Variants in MCTP1 observed in about 807,000 individuals in gnomAD.
MCTP1 encodes the protein multiple C2 and transmembrane domain-containing protein 1.
MCTP1 carries 69 observed loss-of-function variants against 120.6 expected under a neutral mutation model. That is an observed-to-expected ratio of 0.57 (90% CI 0.47 to 0.70). The LOEUF (loss-of-function observed/expected upper bound fraction) is 0.70, where lower values mean the gene tolerates loss of function less well. Ranked by LOEUF, MCTP1 falls within the 30% of genes least tolerant of loss-of-function variation. The pLI, the probability that MCTP1 is intolerant of heterozygous loss-of-function variation, is 0.00. For synonymous variants in MCTP1, 529 were observed against 493.1 expected (o/e 1.07, Z -0.96); for missense variants, 1,203 against 1,248.8 (o/e 0.96, Z 0.55).
chr5:95,013,011 G>T (rs1836336149), intron 2 of MCTP1, among the ~76,000 whole-genome samples: 1 of 152,136 alleles, frequency 6.6e-6, no homozygotes, highest in Admixed American at 6.6e-5. Context: ...TGAATGCAAA[G>T]GAAAAGATCT....
At chr5:94,967,067 T>G (rs1825790185) in intron 2 of MCTP1, among the ~76,000 whole-genome samples, 1 of 152,222 alleles carries the variant, frequency 6.6e-6, no homozygotes, top group African/African-American at 2.4e-5. Context: ...GGCTATTATG[T>G]AAAAATACTG....
In MCTP1 at chr5:95,166,565, A is replaced by G. The variant is rs1206937875; in HGVS notation, c.720+117291T>C. ...AAACTTATTTACCACCCTAATTTTA[A>G]TCATTTTTTTTTTTTTTTTTTGAGA... On this transcript the variant is annotated intron_variant, in intron 1 of 22. Coordinates refer to ENST00000515393, the MANE Select transcript of MCTP1 (RefSeq NM_024717.7). Among the ~76,000 whole-genome samples the G allele has an allele frequency of 6.1e-5, 8 of 131,644 alleles. No individual in the cohort carries two copies. The East Asian group carries it at 1.8e-3, about 30-fold the overall frequency. 86.4% of individuals were successfully genotyped at this position (131,644 alleles called of 152,430 possible).
intron 1 of MCTP1, among the ~76,000 whole-genome samples, chr5:95,041,580 AT>A (rs954226728): frequency 6.6e-6 from 1 of 152,056 alleles, no homozygotes; most frequent in Non-Finnish European, 1.5e-5. Flanking sequence ...TTTGGAGGGC[AT>A]TTTTTGGCTT....
chr5:94,858,888 C>A (rs1581067667), intron 17 of MCTP1, among the ~76,000 whole-genome samples: 1 of 151,616 alleles, frequency 6.6e-6, no homozygotes. Context: ...AACACCAAGC[C>A]AGGATTCCAC....
Position 94,867,136 on chromosome 5 carries a change from A to T in MCTP1, c.2436+1197T>A, listed in dbSNP as rs539469204. 1.1e-4 allele frequency: 121 copies of T among 1,065,178 alleles called. 1 individual carries two copies. In the South Asian group the frequency reaches 3.0e-3, roughly 27 times the overall value. The allele number at this position is 1,065,178 out of a possible 1,614,324, so 66.0% of individuals were successfully genotyped here. A position where few individuals can be genotyped will look rare whatever the true frequency, so the allele number is the denominator to read the frequency against. On this transcript the variant is annotated intron_variant, in intron 17 of 22. Transcript: ENST00000515393. ...TCCTGGCTAGGGAAAAATCAGAATA[A>T]AGTTTGCTTAATAGTACCACCATAT...
chr5:95,186,165 GA>G (rs940023830), intron 1 of MCTP1, among the ~76,000 whole-genome samples: 5 of 139,032 alleles, frequency 3.6e-5, no homozygotes, highest in South Asian at 2.3e-4. Flanking sequence ...GCAAGAGAAA[GA>G]AAAAAAAAGA....
At chr5:94,840,802 A>C (rs1790848974) in intron 17 of MCTP1, among the ~76,000 whole-genome samples, 1 of 152,168 alleles carries the variant, frequency 6.6e-6, no homozygotes, top group Non-Finnish European at 1.5e-5. Flanking sequence ...AATATCTCCT[A>C]ATTTCTATAA....
At chr5:95,270,174 C>T (rs543967324) in intron 1 of MCTP1, among the ~76,000 whole-genome samples, 2 of 152,014 alleles carry the variant, frequency 1.3e-5, no homozygotes, top group East Asian at 3.9e-4. Flanking sequence ...TTAAAAGTTG[C>T]TAGTTACTTG....
At chr5:94,959,400 A>G (rs979918922) in intron 2 of MCTP1, among the ~76,000 whole-genome samples, 5 of 152,210 alleles carry the variant, frequency 3.3e-5, no homozygotes, top group Non-Finnish European at 7.4e-5. Flanking sequence ...TATTCAATAT[A>G]GTATTGAAAG....
At chr5:95,061,292 G>C (rs1412317534) in intron 1 of MCTP1, among the ~76,000 whole-genome samples, 1 of 150,440 alleles carries the variant, frequency 6.6e-6, no homozygotes, top group Non-Finnish European at 1.5e-5. Flanking sequence ...ATTGAAAAAG[G>C]AGTTATTAAA....
rs945539007 is a variant in MCTP1 at position 95,284,935 on chromosome 5, T to G, written c.-360A>C. ...TCCCCCAGGCCGCGCCCTGGCTCCC[T>G]CTTCTCTCTGACCGAGCTCGGGAAG... is the stretch of plus-strand genomic sequence containing the variant. On this transcript the variant is annotated 5_prime_UTR_variant, in exon 1 of 23. Transcript: ENST00000515393. This position sits in a 1 kb window ranked among gnomAD's most constrained non-coding sequence, Gnocchi z 5.2. 4.6e-5 allele frequency among the ~76,000 whole-genome samples: 7 copies of G among 151,992 alleles called. No homozygotes were observed. Among genetic ancestry groups the G allele is most frequent in the African/African-American group, 1.7e-4 (7 of 41,418 alleles).
chr5:94,909,358 A>T lies in MCTP1; in HGVS notation c.1545T>A (p.Pro515=), dbSNP rs769092996. 1.3e-6 allele frequency: 2 copies of T among 1,594,100 alleles called. No homozygotes were observed. Among genetic ancestry groups the T allele is most frequent in the Non-Finnish European group, 1.7e-6 (2 of 1,173,720 alleles). ...GAAAATCAAATTGTTCCCTCCACTG[A>T]GGATTCAACGTTTTTGGCATAATCT... ...KSKIMPKTLN[P]QWREQFDFHL... Residue 515 remains proline, a synonymous_variant, in exon 10 of 23, where the codon CCT becomes CCA. Coordinates refer to ENST00000515393, the MANE Select transcript of MCTP1 (RefSeq NM_024717.7).
At chr5:95,052,406 T>C (rs930016001) in intron 1 of MCTP1, among the ~76,000 whole-genome samples, 1 of 152,062 alleles carries the variant, frequency 6.6e-6, no homozygotes, top group South Asian at 2.1e-4. Flanking sequence ...ATACTGAGAG[T>C]TGATATAATT....
chr5:95,071,110 C>G (rs186438330), intron 1 of MCTP1, among the ~76,000 whole-genome samples: 1 of 152,280 alleles, frequency 6.6e-6, no homozygotes, highest in African/African-American at 2.4e-5. Context: ...CACATCTGAG[C>G]AGCAATTCAC....
At chr5:95,074,176 T>G (rs1305509355) in intron 1 of MCTP1, among the ~76,000 whole-genome samples, 1 of 152,218 alleles carries the variant, frequency 6.6e-6, no homozygotes, top group Non-Finnish European at 1.5e-5. Flanking sequence ...TGATTCAGAA[T>G]CTCTCAGGCG....
chr5:95,123,326 A>C (rs1758377202), intron 1 of MCTP1, among the ~76,000 whole-genome samples: 1 of 152,102 alleles, frequency 6.6e-6, no homozygotes, highest in South Asian at 2.2e-4. Context: ...TATAATATGT[A>C]AAGAGTCTGA....
At chr5:94,933,084 C>T (rs1405490081) in intron 5 of MCTP1, among the ~76,000 whole-genome samples, 1 of 151,728 alleles carries the variant, frequency 6.6e-6, no homozygotes, top group East Asian at 1.9e-4. Context: ...TTTATGTTTT[C>T]AAAGATAATT....
intron 2 of MCTP1, among the ~76,000 whole-genome samples, chr5:94,969,707 A>G (rs1165415807): frequency 1.3e-5 from 2 of 152,142 alleles, no homozygotes; most frequent in African/African-American, 4.8e-5. Context: ...CTTCCTACAA[A>G]TATTTAAAGC....
chr5:94,866,746 G>GT (rs879599169), intron 17 of MCTP1, among the ~76,000 whole-genome samples: 5,120 of 141,194 alleles, frequency 0.036, 263 homozygotes, highest in African/African-American at 0.12. Context: ...CAGTGCCTGA[G>GT]TTTTTTTTTT....
Sources: allele counts gnomAD v4.1 joint callset (sites outside exome capture counted in the v4.1 genomes callset), GRCh38; gene constraint gnomAD v4.1.1; non-coding constraint Gnocchi (gnomAD v3.1); transcripts MANE v1.5; gene names NCBI Gene and HGNC (gene_info 2026-07-23, HGNC 2026-07-21).